The following PSMB2 variants were observed in gnomAD, a reference collection of about 807,000 sequenced individuals.
PSMB2 encodes proteasome 20S subunit beta 2.
A neutral mutation model predicts 25.7 loss-of-function variants in PSMB2; 13 were observed. The observed-to-expected ratio is 0.51, with a 90% CI of 0.33 to 0.80. PSMB2 has a LOEUF of 0.80. Among genes scored for constraint, PSMB2 ranks in the 30% least tolerant of loss-of-function variants. The pLI, the probability that PSMB2 is intolerant of heterozygous loss-of-function variation, is 0.02. For synonymous variants in PSMB2, 87 were observed against 96.2 expected (o/e 0.90, Z 0.56); for missense variants, 202 against 259.0 (o/e 0.78, Z 1.51).
intron 3 of PSMB2, among the ~76,000 whole-genome samples, chr1:35,617,098 GAGTAC>G (rs943243631): frequency 2.4e-4 from 37 of 152,262 alleles, no homozygotes; most frequent in African/African-American, 8.9e-4. Context: ...GCCCAGGCTA[GAGTAC>G]AGTGGCATGA....
At chr1:35,637,718 G>C (rs1226110323) in intron 1 of PSMB2, among the ~76,000 whole-genome samples, 1 of 152,122 alleles carries the variant, frequency 6.6e-6, no homozygotes, top group Non-Finnish European at 1.5e-5. Flanking sequence ...CTTAGACTTG[G>C]AGGGAAAAAA....
intron 3 of PSMB2, among the ~76,000 whole-genome samples, chr1:35,620,373 C>T (rs933728766): frequency 6.6e-6 from 1 of 152,140 alleles, no homozygotes; most frequent in Non-Finnish European, 1.5e-5. Flanking sequence ...TCATTGGTCT[C>T]CCCGCTTCCT....
intron 4 of PSMB2, 28 bp downstream of exon 4, chr1:35,609,218 G>C: frequency 6.6e-7 from 1 of 1,515,250 alleles, no homozygotes; most frequent in South Asian, 1.3e-5. Context: ...CTCTGCCACT[G>C]CTCCCTCCCT....
At chr1:35,624,933 C>T (rs550640439) in intron 3 of PSMB2, among the ~76,000 whole-genome samples, 8 of 151,840 alleles carry the variant, frequency 5.3e-5, no homozygotes, top group South Asian at 2.1e-4. Context: ...TGGTGGTGCA[C>T]GCCTGTAGTC....
rs370779301 is a variant in PSMB2 at position 35,608,113 on chromosome 1, C to G, written c.448+1133G>C. Among the ~76,000 whole-genome samples the G allele has an allele frequency of 2.4e-4, 37 of 152,082 alleles. 1 individual carries two copies. Among genetic ancestry groups the G allele is most frequent in the East Asian group, 1.5e-3 (8 of 5,186 alleles). On this transcript the variant is annotated intron_variant, in intron 4 of 5. Transcript: ENST00000373237. The stretch of plus-strand genomic sequence containing the variant: ...GACACGGTGGCTCACGCCTGTAATC[C>G]CAACACTTTGGGAGGGCAAGGCGGG...
At chr1:35,633,462 G>C (rs1651158585) in intron 2 of PSMB2, among the ~76,000 whole-genome samples, 1 of 138,346 alleles carries the variant, frequency 7.2e-6, no homozygotes, top group African/African-American at 2.5e-5. Flanking sequence ...GGTAATTTAA[G>C]GGTCTTTAAG....
chr1:35,601,587 T>C lies in PSMB2; in HGVS notation c.*1680A>G, dbSNP rs796253690. 3.0e-6 allele frequency: 3 copies of C among 985,072 alleles called. No individual in the cohort carries two copies. The highest frequency in any genetic ancestry group is 5.2e-4 in the Middle Eastern group (1 of 1,936). 61.0% of individuals were successfully genotyped at this position (985,072 alleles called of 1,614,324 possible). ...TAGTGTATAAGACACCCAAATCTAA[T>C]GTTAACCCAATACTTTAATATGAAC... On this transcript the variant is annotated 3_prime_UTR_variant, in exon 6 of 6. Coordinates refer to ENST00000373237, the MANE Select transcript of PSMB2 (RefSeq NM_002794.5).
chr1:35,606,251 G>A (rs1174014111), intron 4 of PSMB2, among the ~76,000 whole-genome samples: 5 of 152,110 alleles, frequency 3.3e-5, no homozygotes, highest in Admixed American at 6.6e-5. Flanking sequence ...TGGAAAGCAG[G>A]AAGTCAAATG....
At chr1:35,610,989 T>C (rs1448144395) in intron 3 of PSMB2, among the ~76,000 whole-genome samples, 1 of 149,184 alleles carries the variant, frequency 6.7e-6, no homozygotes, top group East Asian at 1.9e-4. Context: ...AAATGGATGA[T>C]TTTTTTTTTC....
At chr1:35,631,556 C>G (rs2148576668) in intron 2 of PSMB2, 1 of 1,311,094 alleles carries the variant, frequency 7.6e-7, no homozygotes, top group South Asian at 1.7e-5. Context: ...TTCTTGGCCA[C>G]AAACAGAACC....
chr1:35,631,615 T>C, intron 2 of PSMB2: 1 of 667,442 alleles, frequency 1.5e-6, no homozygotes, highest in Non-Finnish European at 2.1e-6. Flanking sequence ...AAACTATTCA[T>C]TCATCAACAC....
chr1:35,634,786 T>C (rs1025314949), intron 2 of PSMB2, among the ~76,000 whole-genome samples: 2 of 151,740 alleles, frequency 1.3e-5, no homozygotes, highest in Non-Finnish European at 1.5e-5. Context: ...TTTTTTTTTT[T>C]TGGTTGGTTT....
intron 3 of PSMB2, among the ~76,000 whole-genome samples, chr1:35,609,802 C>T (rs1650277881): frequency 6.6e-6 from 1 of 152,130 alleles, no homozygotes; most frequent in Admixed American, 6.5e-5. Context: ...TTGTCTGTCA[C>T]ACAAAGGAGA....
At chr1:35,624,094 G>A (rs1242811439) in intron 3 of PSMB2, among the ~76,000 whole-genome samples, 2 of 152,240 alleles carry the variant, frequency 1.3e-5, no homozygotes, top group African/African-American at 4.8e-5. Flanking sequence ...CCAGAGTGTG[G>A]GGATAAGCTT....
chr1:35,625,846 C>T (rs186866285), intron 3 of PSMB2, among the ~76,000 whole-genome samples: 10 of 151,712 alleles, frequency 6.6e-5, no homozygotes, highest in Admixed American at 6.6e-4. Flanking sequence ...AGAAAGGAAG[C>T]CTTTTTTTTA....
chr1:35,605,247 T>C lies in PSMB2; in HGVS notation c.484A>G (p.Lys162Glu), dbSNP rs1286137654. Residue 162 changes from lysine (K) to glutamate (E), a missense_variant, in exon 5 of 6, where the codon AAA becomes GAA. Coordinates refer to ENST00000373237, the MANE Select transcript of PSMB2 (RefSeq NM_002794.5). Reference sequence around the variant, plus strand: ...GAACTACTCACCTCCTCCAGACATTTCCTAAGGAGTTCCACTGCCCTCTCA... The same window carrying C: ...GAACTACTCACCTCCTCCAGACATTCCCTAAGGAGTTCCACTGCCCTCTCA... ...SRERAVELLR[K>E]CLEELQKRFI... is the part of the protein sequence containing the mutation. 6.2e-7 allele frequency: 1 copy of C among 1,612,874 alleles called. No individual in the cohort carries two copies. The highest frequency in any genetic ancestry group is 8.5e-7 in the Non-Finnish European group (1 of 1,179,524).
intron 3 of PSMB2, among the ~76,000 whole-genome samples, chr1:35,618,051 AAGAT>A (rs1268737122): frequency 2.0e-5 from 3 of 152,212 alleles, no homozygotes; most frequent in Non-Finnish European, 4.4e-5. Context: ...AGTTACATGA[AAGAT>A]AGACCGGGAT....
chr1:35,603,202 G>C lies in PSMB2; in HGVS notation c.*65C>G, dbSNP rs1249454430. The C allele has an allele frequency of 6.3e-7, 1 of 1,576,626 alleles. No individual in the cohort carries two copies. The highest frequency in any genetic ancestry group is 2.0e-5 in the Admixed American group (1 of 49,908). On this transcript the variant is annotated 3_prime_UTR_variant, in exon 6 of 6. Transcript: ENST00000373237. The stretch of plus-strand genomic sequence containing the variant: ...TTTATCAAGAGTGCGCCTGAAAAGA[G>C]TAGAAAAAAATAAAGGAGCCCATCA...
intron 3 of PSMB2, among the ~76,000 whole-genome samples, chr1:35,625,296 C>A (rs1650820910): frequency 1.3e-5 from 2 of 152,112 alleles, no homozygotes; most frequent in South Asian, 4.1e-4. Context: ...GCAGTGAAAC[C>A]CGACGATTAC....
Sources: allele counts gnomAD v4.1 joint callset (sites outside exome capture counted in the v4.1 genomes callset), GRCh38; gene constraint gnomAD v4.1.1; transcripts MANE v1.5; gene names NCBI Gene and HGNC (gene_info 2026-07-23, HGNC 2026-07-21).